AHNAK: variants seen among roughly 807,000 people sequenced by gnomAD.
AHNAK encodes neuroblast differentiation-associated protein AHNAK.
In AHNAK, 23 loss-of-function variants were observed where a neutral mutation model predicts 37.8. That is an observed-to-expected ratio of 0.61 (90% CI 0.44 to 0.86). The LOEUF (loss-of-function observed/expected upper bound fraction) is 0.86. Ranked by LOEUF, AHNAK falls within the 40% of genes least tolerant of loss-of-function variation. The pLI is 0.00. For missense variants in AHNAK, 7,411 were observed against 7,319.4 expected, an observed-to-expected ratio of 1.01 and a Z score of -0.46; for synonymous variants, 2,481 against 2,636.3, an observed-to-expected ratio of 0.94 and a Z score of 1.80.
intron 4 of AHNAK, among the ~76,000 whole-genome samples, chr11:62,500,417 A>G (rs1939691003): frequency 6.6e-6 from 1 of 152,132 alleles, no homozygotes; most frequent in South Asian, 2.1e-4. Context: ...CAGGTGCTAG[A>G]AGGCTGGGGT....
chr11:62,480,063 G>A (rs896709856), intron 5 of AHNAK, among the ~76,000 whole-genome samples: 7 of 152,094 alleles, frequency 4.6e-5, no homozygotes, highest in Non-Finnish European at 8.8e-5. Flanking sequence ...GTAGCAGGCA[G>A]AGCTTGGGAA....
chr11:62,527,709 G>A lies in AHNAK; in HGVS notation c.6708C>T (p.Gly2236=). 6.2e-7 allele frequency: 1 copy of A among 1,613,984 alleles called. No homozygotes were observed. The highest frequency in any genetic ancestry group is 8.5e-7 in the Non-Finnish European group (1 of 1,180,010). ...TAGGCATCTTCAGGTGCCAGTCTGG[G>A]CCATGAACATCCACATCTGGGGCAT... ...DIDAPDVDVH[G]PDWHLKMPKM... Residue 2236 remains glycine, a synonymous_variant, in exon 5 of 5, where the codon GGC becomes GGT. Transcript: ENST00000378024.
intron 4 of AHNAK, among the ~76,000 whole-genome samples, chr11:62,501,722 C>T (rs559348020): frequency 1.2e-4 from 18 of 152,354 alleles, no homozygotes; most frequent in Non-Finnish European, 2.2e-4. Flanking sequence ...CCAGCAAATA[C>T]ACAGGGCTTT....
Position 62,528,110 on chromosome 11 carries a change from G to T in AHNAK, c.6307C>A (p.Pro2103Thr). 1 of 1,611,920 alleles carries T rather than the reference G, an allele frequency of 6.2e-7. No individual in the cohort carries two copies. Among genetic ancestry groups the T allele is most frequent in the Non-Finnish European group, 8.5e-7 (1 of 1,179,488 alleles). Residue 2103 changes from proline (P) to threonine (T), a missense_variant, in exon 5 of 5, where the codon CCC becomes ACC. Transcript: ENST00000378024. ...TGCATCTCAGGCATCTTAAGCTTGG[G>T]GCCCTTCAGCTTCCCTTCTGGACCT... ...LEGPEGKLKG[P>T]KLKMPEMHFK...
intron 5 of AHNAK, among the ~76,000 whole-genome samples, chr11:62,475,484 A>C (rs1025256751): frequency 3.3e-5 from 5 of 151,994 alleles, no homozygotes; most frequent in Non-Finnish European, 5.9e-5. Flanking sequence ...AAACACAAAG[A>C]AGGGAGCAAC....
intron 5 of AHNAK, among the ~76,000 whole-genome samples, chr11:62,444,576 G>C (rs1272473577): frequency 1.3e-5 from 2 of 152,384 alleles, no homozygotes; most frequent in Admixed American, 1.3e-4. Flanking sequence ...GGAAGCGGGG[G>C]TCCCGCTGGC....
Position 62,521,019 on chromosome 11 carries a change from C to A in AHNAK, c.13398G>T (p.Leu4466Phe). Residue 4466 changes from leucine to phenylalanine, a missense_variant, in exon 5 of 5, where the codon TTG becomes TTT. Transcript: ENST00000378024. ...APKISMPDFD[L>F]HLKGPKVKGD... ...CCTTCACCTTGGGACCTTTCAGGTG[C>A]AAATCAAAGTCAGGCATAGAGATTT... 2 of 1,614,004 alleles carry A rather than the reference C, an allele frequency of 1.2e-6. No homozygotes were observed. The highest frequency in any genetic ancestry group is 1.7e-6 in the Non-Finnish European group (2 of 1,180,002).
At chr11:62,495,112 A>G (rs1162522330) in intron 4 of AHNAK, among the ~76,000 whole-genome samples, 1 of 152,050 alleles carries the variant, frequency 6.6e-6, no homozygotes, top group Non-Finnish European at 1.5e-5. Context: ...GGCTACAGTG[A>G]GCTGTGATCA....
At chr11:62,514,369 C>T (rs147832259), downstream of AHNAK, among the ~76,000 whole-genome samples, 1,250 of 152,308 alleles carry the variant, frequency 8.2e-3, 14 homozygotes, top group African/African-American at 0.029. Context: ...GTGAAAGCAG[C>T]ACCCCGGGGA....
At chr11:62,486,857 A>G (rs1488110718) in intron 5 of AHNAK, among the ~76,000 whole-genome samples, 3 of 152,110 alleles carry the variant, frequency 2.0e-5, no homozygotes, top group South Asian at 2.1e-4. Flanking sequence ...CTCAAATGAA[A>G]AATTACCCTA....
At position 62,521,729 on chromosome 11, in the gene AHNAK, C is replaced by A; in HGVS notation, c.12688G>T (p.Asp4230Tyr). 1.2e-6 allele frequency: 2 copies of A among 1,613,982 alleles called. No homozygotes were observed. Among genetic ancestry groups the A allele is most frequent in the Non-Finnish European group, 1.7e-6 (2 of 1,180,010 alleles). The change falls in exon 5 of 5, where the codon GAT becomes TAT. Residue 4230 changes from aspartate to tyrosine, a missense_variant. Physicochemically the swap from Asp to Tyr is radical, Grantham distance 160 (BLOSUM62 -3). Coordinates refer to ENST00000378024, the MANE Select transcript of AHNAK (RefSeq NM_001620.3). The stretch of plus-strand genomic sequence containing the variant: ...GCATCTGGACCTTCGATATTCACAT[C>A]AGGAACATCAATGTCCACCTTGGGT... ...SGPKVDIDVP[D>Y]VNIEGPDAKL...
rs1360150225 is a variant in AHNAK at position 62,518,496 on chromosome 11, T to C, written c.15921A>G (p.Lys5307=). Residue 5307 remains lysine (K), a synonymous_variant, in exon 5 of 5, where the codon AAA becomes AAG. Coordinates refer to ENST00000378024, the MANE Select transcript of AHNAK (RefSeq NM_001620.3). ...VSGPDLDLNL[K]GPSLKGDLDA... is the part of the protein sequence containing the mutation. ...CCAGGTCTCCCTTCAAACTTGGTCC[T>C]TTCAAGTTCAGATCAAGGTCAGGCC... is the stretch of plus-strand genomic sequence containing the variant. The C allele has an allele frequency of 6.2e-7, 1 of 1,614,140 alleles. No individual in the cohort carries two copies. Among genetic ancestry groups the C allele is most frequent in the Middle Eastern group, 1.6e-4 (1 of 6,062 alleles).
chr11:62,481,721 G>T (rs1371301415), intron 5 of AHNAK, among the ~76,000 whole-genome samples: 1 of 151,574 alleles, frequency 6.6e-6, no homozygotes, highest in African/African-American at 2.4e-5. Context: ...GGGACTACAA[G>T]TGCCCACCAC....
intron 5 of AHNAK, among the ~76,000 whole-genome samples, chr11:62,480,680 A>G (rs117755494): frequency 0.033 from 4,919 of 151,222 alleles, 132 homozygotes; most frequent in Non-Finnish European, 0.044. Context: ...AAAGAAAAGA[A>G]AAGAAAAAAA....
In AHNAK at chr11:62,523,527, G is replaced by C; in HGVS notation, c.10890C>G (p.Asp3630Glu). The change falls in exon 5 of 5, where the codon GAC (aspartate) becomes GAG (glutamate). Residue 3630 changes from aspartate (D) to glutamate (E), a missense_variant. Coordinates refer to ENST00000378024, the MANE Select transcript of AHNAK (RefSeq NM_001620.3). ...PEVDVTLPKA[D>E]IDISGPNVDV... is the part of the protein sequence containing the mutation. ...CTACATTGGGACCAGAAATGTCAAT[G>C]TCAGCTTTAGGGAGGGTAACATCGA... 1 of 1,614,056 alleles carries C rather than the reference G, an allele frequency of 6.2e-7. No individual in the cohort carries two copies. The highest frequency in any genetic ancestry group is 1.3e-5 in the African/African-American group (1 of 74,998).
chr11:62,543,563 G>T (rs1941201848), intron 1 of AHNAK, among the ~76,000 whole-genome samples: 1 of 152,198 alleles, frequency 6.6e-6, no homozygotes, highest in Non-Finnish European at 1.5e-5. Context: ...GCCCTGGTGG[G>T]AACTGAGGCC....
At chr11:62,504,770 C>G (rs538260944) in intron 4 of AHNAK, among the ~76,000 whole-genome samples, 1 of 152,076 alleles carries the variant, frequency 6.6e-6, no homozygotes, top group African/African-American at 2.4e-5. Context: ...TGCCCCACCC[C>G]CTACCCTGCC....
At position 62,532,120 on chromosome 11, in the gene AHNAK, C is replaced by T. The variant is rs141256832; in HGVS notation, c.2297G>A (p.Gly766Asp). 1.2e-5 allele frequency: 19 copies of T among 1,613,920 alleles called. No homozygotes were observed. The highest frequency in any genetic ancestry group is 5.3e-5 in the African/African-American group (4 of 74,934). Residue 766 changes from glycine (G) to aspartate (D), a missense_variant, in exon 5 of 5, where the codon GGC (glycine) becomes GAC (aspartate). Gly to Asp is a moderately conservative substitution (Grantham distance 94). Coordinates refer to ENST00000378024, the MANE Select transcript of AHNAK (RefSeq NM_001620.3). The stretch of plus-strand genomic sequence containing the variant: ...GGGCAGGTTCACATCCACTTCTGGG[C>T]CCTCTGCTTTGAACCCTGGCACACT... ...KFSVPGFKAE[G>D]PEVDVNLPKA...
chr11:62,516,339 C>A lies in AHNAK; in HGVS notation c.*405G>T. On this transcript the variant is annotated 3_prime_UTR_variant, in exon 5 of 5. Coordinates refer to ENST00000378024, the MANE Select transcript of AHNAK (RefSeq NM_001620.3). Reference sequence around the variant, plus strand: ...GTCTGCAACCCATCACCCCACCCACCCTTACTAACAAAAGCCCCCAAAGTC... The same window carrying A: ...GTCTGCAACCCATCACCCCACCCACACTTACTAACAAAAGCCCCCAAAGTC... 1 of 1,288,124 alleles carries A rather than the reference C, an allele frequency of 7.8e-7. No homozygotes were observed. The highest frequency in any genetic ancestry group is 1.0e-6 in the Non-Finnish European group (1 of 987,912). 79.8% of individuals were successfully genotyped at this position (1,288,124 alleles called of 1,614,324 possible).
Sources: gnomAD v4.1 joint callset for allele counts (sites outside exome capture counted in the v4.1 genomes callset) on GRCh38, gnomAD v4.1.1 for gene constraint, MANE v1.5 for transcripts, NCBI Gene and HGNC (gene_info 2026-07-23, HGNC 2026-07-21) for gene names.